Variants in GRIN2D observed in about 807,000 individuals in gnomAD.
GRIN2D encodes the protein glutamate ionotropic receptor NMDA type subunit 2D, also known as glutamate receptor ionotropic, NMDA 2D.
Under a neutral mutation model 103.2 loss-of-function variants are expected in GRIN2D, and 37 were observed. That is an observed-to-expected ratio of 0.36 (90% CI 0.28 to 0.47). The LOEUF (loss-of-function observed/expected upper bound fraction) is 0.47, where lower values mean the gene tolerates loss of function less well. Among genes scored for constraint, GRIN2D ranks in the 20% least tolerant of loss-of-function variants. The pLI, the probability that GRIN2D is intolerant of heterozygous loss-of-function variation, is 1.00. For missense variants in GRIN2D, 1,557 were observed against 1,910.6 expected (o/e 0.81, Z 3.45); for synonymous variants, 845 against 885.6 (o/e 0.95, Z 0.81).
chr19:48,397,276 A>G (rs962090666), intron 2 of GRIN2D, among the ~76,000 whole-genome samples: 1 of 151,930 alleles, frequency 6.6e-6, no homozygotes. Context: ...GGGGTGCCCC[A>G]CTAATTTCTC....
At chr19:48,403,224 G>T (rs1235902973) in intron 3 of GRIN2D, among the ~76,000 whole-genome samples, 4 of 124,046 alleles carry the variant, frequency 3.2e-5, no homozygotes, top group African/African-American at 6.1e-5. Context: ...AAAAAAAAAA[G>T]GCTGGAGGAT....
chr19:48,396,407 G>C (rs960120210), intron 2 of GRIN2D, among the ~76,000 whole-genome samples: 1 of 152,072 alleles, frequency 6.6e-6, no homozygotes, highest in African/African-American at 2.4e-5. Flanking sequence ...AGTGGGACGC[G>C]GGGTCCCTAA....
rs1019410591 is a variant in GRIN2D, at chr19:48,393,897, G to T, written c.-306+29G>T. On this transcript the variant is annotated intron_variant, in intron 1 of 13. Coordinates refer to ENST00000263269, the MANE Select transcript of GRIN2D (RefSeq NM_000836.4). The surrounding 1 kb of genome is among the most constrained non-coding windows in gnomAD (Gnocchi z 5.6). ...AGGATCTGTGTGTCCGGGTGTCTGG[G>T]GCTGGCTGGTGGAGGGGGGGTGTGT... Among the ~76,000 whole-genome samples, 2 of 152,020 alleles carry T rather than the reference G, an allele frequency of 1.3e-5. No homozygotes were observed. Among genetic ancestry groups the T allele is most frequent in the African/African-American group, 2.4e-5 (1 of 41,384 alleles).
In GRIN2D at chr19:48,398,723, C is replaced by T; in HGVS notation, c.331C>T (p.Arg111Cys). 1.4e-6 allele frequency: 2 copies of T among 1,467,690 alleles called. No homozygotes were observed. 90.9% of individuals were successfully genotyped at this position (1,467,690 alleles called of 1,614,324 possible). A position where few individuals can be genotyped will look rare whatever the true frequency, so the allele number is the denominator to read the frequency against. The change falls in exon 3 of 14, where the codon CGC becomes TGC. Residue 111 changes from arginine (R) to cysteine (C), a missense_variant. Coordinates refer to ENST00000263269, the MANE Select transcript of GRIN2D (RefSeq NM_000836.4). ...LQLCDLLSGL[R>C]VHGVVFEDDS... is the part of the protein sequence containing the mutation. ...GCTCTGCGACCTGCTGTCGGGGTTG[C>T]GCGTGCACGGCGTGGTCTTCGAAGA...
chr19:48,441,362 C>CAAAA (rs1173219939), intron 11 of GRIN2D, among the ~76,000 whole-genome samples: 35 of 127,252 alleles, frequency 2.8e-4, no homozygotes, highest in South Asian at 7.3e-4. Context: ...GACTCTGTCT[C>CAAAA]AAAAAAAAAA....
chr19:48,408,326 T>C, intron 4 of GRIN2D, among the ~76,000 whole-genome samples: 1 of 124,254 alleles, frequency 8.0e-6, no homozygotes, highest in Admixed American at 8.5e-5. Flanking sequence ...AGAGTGAGAC[T>C]CCATCTCAAA....
At chr19:48,417,011 C>T (rs1970957389) in intron 8 of GRIN2D, among the ~76,000 whole-genome samples, 1 of 152,144 alleles carries the variant, frequency 6.6e-6, no homozygotes, top group South Asian at 2.1e-4. Context: ...TCCCAAAATG[C>T]TGGAATTACA....
rs1390447209 is a variant in GRIN2D at position 48,414,504 on chromosome 19, C to A, written c.1332C>A (p.Ile444=). ...CGCTGGAGGAAAGGCCGTTTGTCAT[C>A]GTGGAGCCTGCAGACCCTATCAGCG... The part of the protein sequence containing the change: ...VATLEERPFV[I]VEPADPISGT... The change falls in exon 6 of 14, where the codon ATC becomes ATA. Residue 444 remains isoleucine, a synonymous_variant. Transcript: ENST00000263269. This position sits in a 1 kb window ranked among gnomAD's most constrained non-coding sequence, Gnocchi z 4.6. 3 of 1,578,738 alleles carry A rather than the reference C, an allele frequency of 1.9e-6. No individual in the cohort carries two copies. Among genetic ancestry groups the A allele is most frequent in the Admixed American group, 3.7e-5 (2 of 54,140 alleles).
Position 48,443,371 on chromosome 19 carries a change from C to T in GRIN2D, c.3445C>T (p.Pro1149Ser). The T allele has an allele frequency of 6.7e-7, 1 of 1,493,950 alleles. No homozygotes were observed. Among genetic ancestry groups the T allele is most frequent in the Non-Finnish European group, 8.9e-7 (1 of 1,129,838 alleles). The allele number at this position is 1,493,950 out of a possible 1,614,324, so 92.5% of individuals were successfully genotyped here. Reference sequence around the variant, plus strand: ...GTATGCCGAGCGCCTCGGGCCGCCGCCCGGCCGCTACTGGTCGGTCGACAA... The same window carrying T: ...GTATGCCGAGCGCCTCGGGCCGCCGTCCGGCCGCTACTGGTCGGTCGACAA... The part of the protein sequence containing the change: ...YPYAERLGPP[P>S]GRYWSVDKLG... The change falls in exon 14 of 14, where the codon CCC (proline) becomes TCC (serine). Residue 1149 changes from proline to serine, a missense_variant. Coordinates refer to ENST00000263269, the MANE Select transcript of GRIN2D (RefSeq NM_000836.4). This position sits in a 1 kb window ranked among gnomAD's most constrained non-coding sequence, Gnocchi z 8.9.
In GRIN2D at chr19:48,394,380, G is replaced by A. The variant is rs988625555; in HGVS notation, c.-305-278G>A. Among the ~76,000 whole-genome samples, 7 of 143,688 alleles carry A rather than the reference G, an allele frequency of 4.9e-5. No individual in the cohort carries two copies. Among genetic ancestry groups the A allele is most frequent in the Admixed American group, 2.2e-4 (3 of 13,802 alleles). The allele number at this position is 143,688 out of a possible 152,430, so 94.3% of individuals were successfully genotyped here. On this transcript the variant is annotated intron_variant, in intron 1 of 13. Coordinates refer to ENST00000263269, the MANE Select transcript of GRIN2D (RefSeq NM_000836.4). The surrounding 1 kb of genome is among the most constrained non-coding windows in gnomAD (Gnocchi z 5.1). ...CAGTTCCCCAAGCAGGCAATCTCCC[G>A]CTCCTCACACGCACACACCAGCCAC...
chr19:48,410,290 G>T (rs1396781833), intron 4 of GRIN2D, among the ~76,000 whole-genome samples: 1 of 151,000 alleles, frequency 6.6e-6, no homozygotes, highest in Admixed American at 6.6e-5. Context: ...AGCACTTTGG[G>T]AGGCCGAGGC....
chr19:48,426,030 C>G (rs1423381902), intron 11 of GRIN2D, among the ~76,000 whole-genome samples: 1 of 152,110 alleles, frequency 6.6e-6, no homozygotes, highest in Non-Finnish European at 1.5e-5. Flanking sequence ...ACCTTCCTGT[C>G]TGGCTTATTT....
rs186312707 is a variant in GRIN2D at position 48,441,294 on chromosome 19, C to T, written c.2253-475C>T. Among the ~76,000 whole-genome samples, 39 of 144,698 alleles carry T rather than the reference C, an allele frequency of 2.7e-4. No homozygotes were observed. The East Asian group carries it at 6.7e-3, about 25-fold the overall frequency. The allele number at this position is 144,698 out of a possible 152,430, so 94.9% of individuals were successfully genotyped here. A position where few individuals can be genotyped will look rare whatever the true frequency, so the allele number is the denominator to read the frequency against. ...AGGAGAATCGCTTGAACCCAGGAGT[C>T]GGATCTTGCAGTGAGCCGAGACTGT... is the stretch of plus-strand genomic sequence containing the variant. On this transcript the variant is annotated intron_variant, in intron 11 of 13. Coordinates refer to ENST00000263269, the MANE Select transcript of GRIN2D (RefSeq NM_000836.4).
chr19:48,419,455 A>G, intron 9 of GRIN2D, 96 bp downstream of exon 9: 3 of 1,469,422 alleles, frequency 2.0e-6, no homozygotes, highest in South Asian at 2.5e-5. Flanking sequence ...GGGGCGGTCA[A>G]GCTAGGGCCT....
rs764396229 is a variant in GRIN2D at position 48,419,661 on chromosome 19, C to G, written c.1938C>G (p.Pro646=). The change falls in exon 10 of 14, where the codon CCC becomes CCG. Residue 646 remains proline (P), a synonymous_variant. Coordinates refer to ENST00000263269, the MANE Select transcript of GRIN2D (RefSeq NM_000836.4). ...LWALVFNNSV[P]VENPRGTTSK... is the part of the protein sequence containing the mutation. ...CCCTGGTGTTCAATAATTCGGTGCCCGTGGAGAACCCCCGGGGAACCACCA... is the reference window on the plus strand; with the variant it reads ...CCCTGGTGTTCAATAATTCGGTGCCGGTGGAGAACCCCCGGGGAACCACCA... The G allele has an allele frequency of 1.0e-4, 163 of 1,613,376 alleles. No individual in the cohort carries two copies. Among genetic ancestry groups the G allele is most frequent in the Non-Finnish European group, 1.4e-4 (163 of 1,179,842 alleles).
At position 48,405,283 on chromosome 19, in the gene GRIN2D, G is replaced by C; in HGVS notation, c.1015G>C (p.Gly339Arg). The change falls in exon 4 of 14, where the codon GGT becomes CGT. Residue 339 changes from glycine to arginine, a missense_variant. By Grantham distance (125) the Gly-to-Arg change is moderately radical. Coordinates refer to ENST00000263269, the MANE Select transcript of GRIN2D (RefSeq NM_000836.4). This position sits in a 1 kb window ranked among gnomAD's most constrained non-coding sequence, Gnocchi z 5.1. ...TGCCCAGGCCCTGCTGCGTGATTAT[G>C]GTTTCCTTCCTGAGCTCGGCCACGA... ...RGAQALLRDY[G>R]FLPELGHDCR... 1 of 1,601,524 alleles carries C rather than the reference G, an allele frequency of 6.2e-7. No individual in the cohort carries two copies. Among genetic ancestry groups the C allele is most frequent in the Non-Finnish European group, 8.5e-7 (1 of 1,178,020 alleles).
intron 10 of GRIN2D, among the ~76,000 whole-genome samples, chr19:48,420,406 C>G (rs979514716): frequency 6.6e-6 from 1 of 151,574 alleles, no homozygotes; most frequent in South Asian, 2.1e-4. Flanking sequence ...CCAGCCAGCG[C>G]GACAGAGTTA....
intron 4 of GRIN2D, among the ~76,000 whole-genome samples, chr19:48,412,736 C>T (rs192161003): frequency 6.6e-6 from 1 of 150,472 alleles, no homozygotes; most frequent in Non-Finnish European, 1.5e-5. Flanking sequence ...TTGCAGTGAG[C>T]TGAGACCACA....
Position 48,443,812 on chromosome 19 carries a change from A to T in GRIN2D, c.3886A>T (p.Arg1296Trp). The change falls in exon 14 of 14, where the codon AGG becomes TGG. Residue 1296 changes from arginine to tryptophan, a missense_variant. Arg to Trp is a moderately radical substitution (Grantham distance 101). Coordinates refer to ENST00000263269, the MANE Select transcript of GRIN2D (RefSeq NM_000836.4). The surrounding 1 kb of genome is among the most constrained non-coding windows in gnomAD (Gnocchi z 8.9). The part of the protein sequence containing the change: ...RLTGPSRHAR[R>W]CPHAAHWGPP... Reference sequence around the variant, plus strand: ...TACCGGGCCCTCCCGCCACGCTCGCAGGTGTCCGCACGCCGCGCACTGGGG... The same window carrying T: ...TACCGGGCCCTCCCGCCACGCTCGCTGGTGTCCGCACGCCGCGCACTGGGG... 6.8e-7 allele frequency: 1 copy of T among 1,479,196 alleles called. No homozygotes were observed. The highest frequency in any genetic ancestry group is 8.9e-7 in the Non-Finnish European group (1 of 1,123,216). The allele number at this position is 1,479,196 out of a possible 1,614,324, so 91.6% of individuals were successfully genotyped here.
Sources: gnomAD v4.1 joint callset for allele counts (sites outside exome capture counted in the v4.1 genomes callset) on GRCh38, gnomAD v4.1.1 for gene constraint, Gnocchi (gnomAD v3.1) non-coding constraint, MANE v1.5 for transcripts, NCBI Gene and HGNC (gene_info 2026-07-23, HGNC 2026-07-21) for gene names.